The following SNX19 variants were observed in gnomAD, a reference collection of about 807,000 sequenced individuals.
SNX19 encodes sorting nexin 19, also known as sorting nexin-19.
Under a neutral mutation model 85.2 loss-of-function variants are expected in SNX19, and 60 were observed. The ratio of observed to expected loss-of-function variants is 0.70; its 90% CI spans 0.57 to 0.87. SNX19 has a LOEUF of 0.87. SNX19 is among the 40% of genes least tolerant of loss of function. The probability of loss-of-function intolerance (pLI) is 0.00; values close to 1 mark genes in which losing one functional copy is unlikely to be tolerated. For missense variants in SNX19, 1,201 were observed against 1,217.8 expected (o/e 0.99, Z 0.21); for synonymous variants, 520 against 470.0 (o/e 1.11, Z -1.38).
At chr11:130,879,752 G>T (rs762043738) in intron 9 of SNX19, 41 bp from the exon 10 acceptor site, 1 of 1,569,678 alleles carries the variant, frequency 6.4e-7, no homozygotes, top group South Asian at 1.1e-5. Context: ...TGTTATCACT[G>T]AAGTTTTAGA....
chr11:130,883,309 C>T (rs1430629816), intron 8 of SNX19, among the ~76,000 whole-genome samples: 1 of 152,112 alleles, frequency 6.6e-6, no homozygotes, highest in Admixed American at 6.5e-5. Flanking sequence ...GCACAACTCA[C>T]CGAAGAAAAG....
Position 130,870,609 on chromosome 11 carries a change from C to T in SNX19, c.*7813G>A, listed in dbSNP as rs916779605. Among the ~76,000 whole-genome samples the T allele has an allele frequency of 3.2e-4, 48 of 152,180 alleles. No individual in the cohort carries two copies. Among genetic ancestry groups the T allele is most frequent in the African/African-American group, 1.2e-3 (48 of 41,446 alleles). On this transcript the variant is annotated 3_prime_UTR_variant, in exon 11 of 11. Transcript: ENST00000265909. ...TCAAAGAGGTTTACGGTGGTTTCTC[C>T]ACATATCTTCACCCTTCAAGCCTTT...
In SNX19 at chr11:130,916,326, G is replaced by A; in HGVS notation, c.-387C>T. 1 of 205,332 alleles carries A rather than the reference G, an allele frequency of 4.9e-6. No homozygotes were observed. The highest frequency in any genetic ancestry group is 8.3e-5 in the South Asian group (1 of 12,096). 12.7% of individuals were successfully genotyped at this position (205,332 alleles called of 1,614,324 possible). A position where few individuals can be genotyped will look rare whatever the true frequency, so the allele number is the denominator to read the frequency against. The stretch of plus-strand genomic sequence containing the variant: ...GCGAAGACTGGGTCACACGCCGCCG[G>A]GAACCGCGCGCCCACACTCAGCCCC... On this transcript the variant is annotated 5_prime_UTR_variant, in exon 1 of 11. Transcript: ENST00000265909.
intron 8 of SNX19, among the ~76,000 whole-genome samples, chr11:130,885,476 G>C (rs1183633978): frequency 1.3e-5 from 2 of 152,166 alleles, no homozygotes; most frequent in Non-Finnish European, 2.9e-5. Flanking sequence ...TAAGGAGAAG[G>C]CTTTAGAGAC....
Position 130,878,537 on chromosome 11 carries a change from A to G in SNX19, c.2864T>C (p.Leu955Pro). ...PLINRHLIYC[L>P]GDIILEFLDL... is the part of the protein sequence containing the mutation. ...CAAGAATTCCAGGATGATGTCCCCA[A>G]GGCAGTAAATCAAATGCCTGAAACG... The change falls in exon 11 of 11, where the codon CTT (leucine) becomes CCT (proline). Residue 955 changes from leucine to proline, a missense_variant. Physicochemically the swap from Leu to Pro is moderately conservative, Grantham distance 98. Transcript: ENST00000265909. 1 of 1,613,592 alleles carries G rather than the reference A, an allele frequency of 6.2e-7. No homozygotes were observed. Among genetic ancestry groups the G allele is most frequent in the Admixed American group, 1.7e-5 (1 of 59,970 alleles).
chr11:130,904,041 ACAC>A (rs1327560699), intron 7 of SNX19, among the ~76,000 whole-genome samples: 2 of 152,204 alleles, frequency 1.3e-5, no homozygotes, highest in African/African-American at 4.8e-5. Flanking sequence ...TCTAGGAAGA[ACAC>A]CACACCTCTG....
chr11:130,895,624 G>A (rs1592320025), intron 8 of SNX19, among the ~76,000 whole-genome samples: 2 of 152,142 alleles, frequency 1.3e-5, no homozygotes, highest in Non-Finnish European at 2.9e-5. Flanking sequence ...AGGCTCTGAG[G>A]TTTAAATACC....
intron 8 of SNX19, among the ~76,000 whole-genome samples, chr11:130,894,278 T>C (rs1281099822): frequency 2.0e-5 from 3 of 152,216 alleles, no homozygotes; most frequent in African/African-American, 7.2e-5. Context: ...CTGTTCTGAA[T>C]GAATCAGCTC....
intron 8 of SNX19, among the ~76,000 whole-genome samples, chr11:130,895,867 A>T (rs900673857): frequency 2.0e-5 from 3 of 152,176 alleles, no homozygotes; most frequent in African/African-American, 7.2e-5. Flanking sequence ...AGAATAAGTG[A>T]TACCCAAGAA....
intron 4 of SNX19, among the ~76,000 whole-genome samples, chr11:130,909,262 T>C (rs148715973): frequency 5.7e-4 from 87 of 152,326 alleles, no homozygotes; most frequent in African/African-American, 2.0e-3. Flanking sequence ...GATCCCTTTT[T>C]AGTTTGTAGT....
rs1943225563 is a variant in SNX19 at position 130,875,981 on chromosome 11, T to C, written c.*2441A>G. ...ATGTGATGAAAAAGTATAGCTTTCT[T>C]GAATTCAAATAAGCAATGGCAAAGA... On this transcript the variant is annotated 3_prime_UTR_variant, in exon 11 of 11. Coordinates refer to ENST00000265909, the MANE Select transcript of SNX19 (RefSeq NM_014758.3). The C allele has an allele frequency of 6.6e-6, 1 of 152,182 alleles. No homozygotes were observed. The highest frequency in any genetic ancestry group is 1.5e-5 in the Non-Finnish European group (1 of 68,040). 9.4% of individuals were successfully genotyped at this position (152,182 alleles called of 1,614,324 possible). A position where few individuals can be genotyped will look rare whatever the true frequency, so the allele number is the denominator to read the frequency against.
chr11:130,884,814 G>A (rs1943940369), intron 8 of SNX19, among the ~76,000 whole-genome samples: 1 of 147,732 alleles, frequency 6.8e-6, no homozygotes, highest in Admixed American at 6.8e-5. Context: ...AGAGGCTGCA[G>A]TGAGCCAAGA....
At chr11:130,892,590 A>G (rs1339949487) in intron 8 of SNX19, among the ~76,000 whole-genome samples, 1 of 152,198 alleles carries the variant, frequency 6.6e-6, no homozygotes, top group Admixed American at 6.5e-5. Context: ...TCACTTGTAA[A>G]GCTTACTCTT....
intron 8 of SNX19, among the ~76,000 whole-genome samples, chr11:130,896,127 T>C (rs577066285): frequency 6.6e-6 from 1 of 152,224 alleles, no homozygotes; most frequent in Non-Finnish European, 1.5e-5. Context: ...TTCTGAAGAC[T>C]GAGCTTGAGT....
chr11:130,910,960 C>T (rs1592371083), intron 2 of SNX19, among the ~76,000 whole-genome samples: 6 of 152,120 alleles, frequency 3.9e-5, no homozygotes, highest in Admixed American at 3.3e-4. Flanking sequence ...TTTAGGAGGC[C>T]GAGGTGGGTA....
chr11:130,905,561 C>A (rs10894280), intron 7 of SNX19: 124 of 958,812 alleles, frequency 1.3e-4, no homozygotes, highest in Non-Finnish European at 1.7e-4. Context: ...ATGGAGCCAA[C>A]AGAGTGGACT....
At chr11:130,905,782 G>A in intron 7 of SNX19, 171 bp downstream of exon 7, 1 of 1,538,578 alleles carries the variant, frequency 6.5e-7, no homozygotes, top group African/African-American at 1.4e-5. Flanking sequence ...TGGCAACTAT[G>A]TACTACTCAT....
At position 130,870,288 on chromosome 11, in the gene SNX19, G is replaced by A. The variant is rs1469124553; in HGVS notation, c.*8134C>T. On this transcript the variant is annotated 3_prime_UTR_variant, in exon 11 of 11. Coordinates refer to ENST00000265909, the MANE Select transcript of SNX19 (RefSeq NM_014758.3). ...CCTGCTCTTCAGCAGAAAGACCGCA[G>A]GTATTCCCGCCGCATCCACATATGC... 1 of 152,244 alleles carries A rather than the reference G, an allele frequency of 6.6e-6. No homozygotes were observed. The highest frequency in any genetic ancestry group is 2.4e-5 in the African/African-American group (1 of 41,454). The allele number at this position is 152,244 out of a possible 1,614,324, so 9.4% of individuals were successfully genotyped here. A position where few individuals can be genotyped will look rare whatever the true frequency, so the allele number is the denominator to read the frequency against.
At chr11:130,900,199 C>A (rs1945166586) in intron 8 of SNX19, among the ~76,000 whole-genome samples, 1 of 152,118 alleles carries the variant, frequency 6.6e-6, no homozygotes, top group African/African-American at 2.4e-5. Context: ...GTCCTAGCTA[C>A]CTGGGAGGCT....
Sources: gnomAD v4.1 joint callset for allele counts (sites outside exome capture counted in the v4.1 genomes callset) on GRCh38, gnomAD v4.1.1 for gene constraint, MANE v1.5 for transcripts, NCBI Gene and HGNC (gene_info 2026-07-23, HGNC 2026-07-21) for gene names.